The following OLAH variants were observed in gnomAD, a reference collection of about 807,000 sequenced individuals.
The protein encoded by OLAH is S-acyl fatty acid synthase thioesterase, medium chain.
A neutral mutation model predicts 27.8 loss-of-function variants in OLAH; 33 were observed. The ratio of observed to expected loss-of-function variants is 1.19; its 90% CI spans 0.90 to 1.59. OLAH has a LOEUF of 1.59. Among genes scored for constraint, OLAH ranks in the 40% most tolerant of loss-of-function variants. OLAH has a pLI of 0.00. For missense variants in OLAH, 359 were observed against 310.8 expected (o/e 1.16, Z -1.17); for synonymous variants, 120 against 102.9 (o/e 1.17, Z -1.01).
At chr10:15,062,965 C>T (rs1490655645) in intron 4 of OLAH, among the ~76,000 whole-genome samples, 1 of 152,136 alleles carries the variant, frequency 6.6e-6, no homozygotes, top group African/African-American at 2.4e-5. Flanking sequence ...TCTCAAACTG[C>T]TGACCTCGAG....
At chr10:15,066,955 A>C (rs1844480963) in intron 6 of OLAH, among the ~76,000 whole-genome samples, 1 of 152,138 alleles carries the variant, frequency 6.6e-6, no homozygotes, top group Admixed American at 6.6e-5. Flanking sequence ...TAAGTTTTTG[A>C]GATCTACTGC....
intron 3 of OLAH, among the ~76,000 whole-genome samples, chr10:15,052,021 G>A (rs768963056): frequency 1.3e-5 from 2 of 152,116 alleles, no homozygotes; most frequent in Non-Finnish European, 2.9e-5. Context: ...GGTGGCTCAC[G>A]CCTGTAATCC....
intron 6 of OLAH, among the ~76,000 whole-genome samples, chr10:15,071,307 C>T (rs1338147260): frequency 2.0e-5 from 3 of 152,172 alleles, no homozygotes; most frequent in Non-Finnish European, 4.4e-5. Flanking sequence ...TGTAATGTCT[C>T]TCTCCCAGCC....
At chr10:15,042,873 T>G (rs1843944178), upstream of OLAH, among the ~76,000 whole-genome samples, 1 of 146,270 alleles carries the variant, frequency 6.8e-6, no homozygotes, top group African/African-American at 2.5e-5. Flanking sequence ...TTTTTTTTTT[T>G]TTGAGATGGA....
chr10:15,055,052 C>T (rs1844220608), intron 3 of OLAH, among the ~76,000 whole-genome samples: 1 of 152,050 alleles, frequency 6.6e-6, no homozygotes, highest in Admixed American at 6.6e-5. Context: ...GCAACCTCTG[C>T]CTCCAGGGTT....
intron 4 of OLAH, 93 bp downstream of exon 4, chr10:15,061,955 C>T (rs1844376428): frequency 8.2e-7 from 1 of 1,218,138 alleles, no homozygotes; most frequent in Non-Finnish European, 1.2e-6. Context: ...AAGATGCATA[C>T]CTTTGTATTG....
upstream of OLAH, among the ~76,000 whole-genome samples, chr10:15,040,789 G>A (rs1011419396): frequency 1.3e-5 from 2 of 152,166 alleles, no homozygotes; most frequent in African/African-American, 4.8e-5. Context: ...TACTCAAAGA[G>A]CTTACTGTCT....
chr10:15,042,206 C>T (rs1843932026), upstream of OLAH, among the ~76,000 whole-genome samples: 1 of 152,044 alleles, frequency 6.6e-6, no homozygotes, highest in Admixed American at 6.6e-5. Context: ...GGCTGGAGTG[C>T]AATGACGTGA....
chr10:15,058,694 C>T (rs1477625313), intron 3 of OLAH, among the ~76,000 whole-genome samples: 3 of 152,004 alleles, frequency 2.0e-5, no homozygotes, highest in Non-Finnish European at 2.9e-5. Context: ...AAAGTAGATC[C>T]AGATTTTCAT....
chr10:15,040,351 G>A (rs942089487), upstream of OLAH, among the ~76,000 whole-genome samples: 2 of 152,118 alleles, frequency 1.3e-5, no homozygotes, highest in Non-Finnish European at 2.9e-5. Flanking sequence ...AAGAAAGCTG[G>A]CTGACACCAG....
chr10:15,066,399 C>A (rs1446468509), intron 6 of OLAH, among the ~76,000 whole-genome samples: 2 of 151,956 alleles, frequency 1.3e-5, no homozygotes, highest in African/African-American at 4.8e-5. Context: ...TAGATTGTTA[C>A]TTATTGTAAG....
Position 15,072,258 on chromosome 10 carries a change from T to C in OLAH, c.655+381T>C, listed in dbSNP as rs1333624367. Among the ~76,000 whole-genome samples, 3 of 152,148 alleles carry C rather than the reference T, an allele frequency of 2.0e-5. No individual in the cohort carries two copies. The South Asian group carries it at 6.2e-4, about 32-fold the overall frequency. ...GCTTTTAAAATTTTTTTTTTTAATT[T>C]TTATGGGTACATAGTAGGTGTATAT... On this transcript the variant is annotated intron_variant, in intron 7 of 7. Coordinates refer to ENST00000378228, the MANE Select transcript of OLAH (RefSeq NM_001039702.3).
intron 7 of OLAH, among the ~76,000 whole-genome samples, chr10:15,072,241 AATTT>A (rs929477957): frequency 6.6e-6 from 1 of 151,220 alleles, no homozygotes; most frequent in African/African-American, 2.4e-5. Context: ...CAGCTTTTAA[AATTT>A]TTTTTTTTAA....
intron 3 of OLAH, 72 bp from the exon 4 acceptor site, chr10:15,061,652 T>G: frequency 7.2e-7 from 1 of 1,381,918 alleles, no homozygotes; most frequent in Non-Finnish European, 9.6e-7. Flanking sequence ...CAGGTAAATA[T>G]GAGCCCTTTT....
In OLAH at chr10:15,049,837, T is replaced by C. The variant is rs7909465; in HGVS notation, c.163+72T>C. On this transcript the variant is annotated intron_variant, in intron 3 of 7. Coordinates refer to ENST00000378228, the MANE Select transcript of OLAH (RefSeq NM_001039702.3). ...ACATAAATGTATTAGAATTTGAAGTTTGGTCAAGACTTTCCTTCCTGGTAG... is the reference window on the plus strand; with the variant it reads ...ACATAAATGTATTAGAATTTGAAGTCTGGTCAAGACTTTCCTTCCTGGTAG... The C allele has an allele frequency of 1.1e-3, 1,663 of 1,459,974 alleles. 19 individuals carry two copies. The African/African-American group carries it at 0.022, about 19-fold the overall frequency. 90.4% of individuals were successfully genotyped at this position (1,459,974 alleles called of 1,614,324 possible).
chr10:15,059,889 T>C (rs766806001), intron 3 of OLAH, among the ~76,000 whole-genome samples: 2 of 152,242 alleles, frequency 1.3e-5, no homozygotes. Context: ...TTTAACATCA[T>C]CTTTTTATCA....
intron 3 of OLAH, among the ~76,000 whole-genome samples, chr10:15,061,182 T>C (rs906333887): frequency 6.6e-6 from 1 of 152,308 alleles, no homozygotes; most frequent in Admixed American, 6.5e-5. Flanking sequence ...GGGCAGACTT[T>C]TTCCCCCATC....
intron 1 of OLAH, among the ~76,000 whole-genome samples, chr10:15,044,694 G>C (rs1233484295): frequency 6.6e-6 from 1 of 152,044 alleles, no homozygotes; most frequent in Non-Finnish European, 1.5e-5. Flanking sequence ...TTTCCTAAAA[G>C]CTGTTTTTAC....
At chr10:15,070,883 T>C (rs971449016) in intron 6 of OLAH, among the ~76,000 whole-genome samples, 2 of 150,084 alleles carry the variant, frequency 1.3e-5, no homozygotes, top group Non-Finnish European at 2.9e-5. Context: ...CCTCCTGGGC[T>C]CAAGTGATCC....
Sources: gnomAD v4.1 joint callset for allele counts (sites outside exome capture counted in the v4.1 genomes callset) on GRCh38, gnomAD v4.1.1 for gene constraint, MANE v1.5 for transcripts, NCBI Gene and HGNC (gene_info 2026-07-23, HGNC 2026-07-21) for gene names.